MRPL48: variants seen among roughly 807,000 people sequenced by gnomAD.
MRPL48 encodes the protein large ribosomal subunit protein mL48.
MRPL48 carries 16 observed loss-of-function variants against 32.9 expected under a neutral mutation model. The observed-to-expected ratio is 0.49, with a 90% CI of 0.33 to 0.74. The LOEUF is 0.74. Among genes scored for constraint, MRPL48 ranks in the 30% least tolerant of loss-of-function variants. The pLI is 0.02. For missense variants in MRPL48, 206 were observed against 245.3 expected (o/e 0.84, Z 1.07); for synonymous variants, 94 against 89.2 (o/e 1.05, Z -0.31).
chr11:73,826,774 C>CTTTTTTTTTTT (rs71065041), intron 4 of MRPL48, among the ~76,000 whole-genome samples: 1 of 108,928 alleles, frequency 9.2e-6, no homozygotes, highest in Non-Finnish European at 1.9e-5. Context: ...ACTGTATTTT[C>CTTTTTTTTTTT]TTTTTTTTTT....
Position 73,863,996 on chromosome 11 carries a change from T to TTC in MRPL48, c.565-285_565-284dup, listed in dbSNP as rs145540790. ...ATTTCCTATGTAAATAATTTTGGTATTCTCTCTCTCTCTCTCAAATGCTTC... is the reference window on the plus strand; with the variant it reads ...ATTTCCTATGTAAATAATTTTGGTATTCTCTCTCTCTCTCTCTCAAATGCTTC... On this transcript the variant is annotated intron_variant, in intron 7 of 7. Coordinates refer to ENST00000310614, the MANE Select transcript of MRPL48 (RefSeq NM_016055.6). 8.6e-5 allele frequency among the ~76,000 whole-genome samples: 13 copies of TTC among 151,620 alleles called. No individual in the cohort carries two copies. The East Asian group carries it at 1.5e-3, about 18-fold the overall frequency.
At chr11:73,849,151 T>G (rs1727935320) in intron 5 of MRPL48, among the ~76,000 whole-genome samples, 1 of 152,030 alleles carries the variant, frequency 6.6e-6, no homozygotes, top group African/African-American at 2.4e-5. Flanking sequence ...TTTTTGTTTT[T>G]GTTGAGACGG....
At chr11:73,830,203 C>T (rs765369101) in intron 4 of MRPL48, among the ~76,000 whole-genome samples, 1 of 152,190 alleles carries the variant, frequency 6.6e-6, no homozygotes, top group Non-Finnish European at 1.5e-5. Context: ...TTAAGCTGGA[C>T]TGAAATGTGG....
intron 3 of MRPL48, among the ~76,000 whole-genome samples, chr11:73,820,787 A>G (rs1947765596): frequency 6.6e-6 from 1 of 152,090 alleles, no homozygotes; most frequent in African/African-American, 2.4e-5. Flanking sequence ...AAAGGAATAT[A>G]AGTAACTCTC....
intron 3 of MRPL48, among the ~76,000 whole-genome samples, chr11:73,809,908 G>A (rs1011050666): frequency 6.6e-6 from 1 of 152,218 alleles, no homozygotes; most frequent in African/African-American, 2.4e-5. Context: ...TGGCGGCAAT[G>A]TGTAGGGAAT....
In MRPL48 at chr11:73,813,372, C is replaced by T. The variant is rs1947603190; in HGVS notation, c.112+5022C>T. On this transcript the variant is annotated intron_variant, in intron 3 of 7. Coordinates refer to ENST00000310614, the MANE Select transcript of MRPL48 (RefSeq NM_016055.6). Reference sequence around the variant, plus strand: ...TATTTTTAGTAGAGACAGGGTTTCACCATGTTGGTCAGGCTGGTCTCTAAC... The same window carrying T: ...TATTTTTAGTAGAGACAGGGTTTCATCATGTTGGTCAGGCTGGTCTCTAAC... 2.0e-5 allele frequency among the ~76,000 whole-genome samples: 3 copies of T among 151,838 alleles called. No individual in the cohort carries two copies. The South Asian group carries it at 6.2e-4, about 32-fold the overall frequency.
chr11:73,800,815 T>TC (rs1376831001), intron 1 of MRPL48, among the ~76,000 whole-genome samples: 66 of 137,378 alleles, frequency 4.8e-4, no homozygotes, highest in Non-Finnish European at 1.0e-3. Context: ...TTTTTCTTTT[T>TC]TTTTTTTTTT....
Position 73,848,177 on chromosome 11 carries a change from T to G in MRPL48, c.371+3201T>G, listed in dbSNP as rs556489033. ...AGTTTTGTATATAATGGGTCAAAGT[T>G]TTTTTTTTTGGCATATGAATATTCA... On this transcript the variant is annotated intron_variant, in intron 5 of 7. Transcript: ENST00000310614. 3.3e-5 allele frequency among the ~76,000 whole-genome samples: 5 copies of G among 150,880 alleles called. No homozygotes were observed. In the South Asian group the frequency reaches 1.0e-3, roughly 31 times the overall value.
At chr11:73,810,298 G>A (rs1670549) in intron 3 of MRPL48, among the ~76,000 whole-genome samples, 77,628 of 151,474 alleles carry the variant, frequency 0.51, 21,048 homozygotes, top group African/African-American at 0.71. Context: ...GAGATGGGCG[G>A]ATCACCTTAG....
At chr11:73,797,873 T>A (rs2134942525) in intron 1 of MRPL48, among the ~76,000 whole-genome samples, 1 of 152,204 alleles carries the variant, frequency 6.6e-6, no homozygotes, top group South Asian at 2.1e-4. Context: ...AAAAATCCCG[T>A]AACAATATGT....
At chr11:73,854,448 G>A (rs998361701) in intron 5 of MRPL48, among the ~76,000 whole-genome samples, 2 of 152,050 alleles carry the variant, frequency 1.3e-5, no homozygotes, top group African/African-American at 4.8e-5. Flanking sequence ...CACCACACCT[G>A]GCTAATTTTT....
intron 4 of MRPL48, among the ~76,000 whole-genome samples, chr11:73,826,435 A>G (rs1482710913): frequency 6.6e-6 from 1 of 152,122 alleles, no homozygotes; most frequent in African/African-American, 2.4e-5. Context: ...AGTTGTGGCA[A>G]GTAGAGGTAG....
At chr11:73,805,258 G>GGCCAAAAT (rs1189135909) in intron 2 of MRPL48, among the ~76,000 whole-genome samples, 179 bp downstream of exon 2, 1 of 150,546 alleles carries the variant, frequency 6.6e-6, no homozygotes, top group East Asian at 1.9e-4. Context: ...TAGTTGCTGA[G>GGCCAAAAT]GCCAAAATAC....
intron 1 of MRPL48, among the ~76,000 whole-genome samples, chr11:73,803,990 G>T (rs974857670): frequency 1.3e-5 from 2 of 152,084 alleles, no homozygotes; most frequent in Non-Finnish European, 2.9e-5. Context: ...CGAGATCTCG[G>T]CTCACTGCAA....
At chr11:73,830,585 T>A (rs182344191) in intron 4 of MRPL48, among the ~76,000 whole-genome samples, 2 of 151,996 alleles carry the variant, frequency 1.3e-5, no homozygotes, top group African/African-American at 2.4e-5. Flanking sequence ...AGAAAAAAAA[T>A]AAGTTGGCCA....
chr11:73,825,036 C>T (rs1947857869), intron 3 of MRPL48, among the ~76,000 whole-genome samples: 2 of 152,130 alleles, frequency 1.3e-5, no homozygotes, highest in African/African-American at 4.8e-5. Flanking sequence ...CCCAGAGGAG[C>T]TTAGAAAGAG....
At chr11:73,822,362 G>A (rs1350368401) in intron 3 of MRPL48, among the ~76,000 whole-genome samples, 2 of 152,114 alleles carry the variant, frequency 1.3e-5, no homozygotes, top group East Asian at 3.9e-4. Context: ...GTCCATTAAA[G>A]TACTTAGTAC....
chr11:73,815,640 C>A (rs1200912684), intron 3 of MRPL48, among the ~76,000 whole-genome samples: 1 of 151,856 alleles, frequency 6.6e-6, no homozygotes, highest in Non-Finnish European at 1.5e-5. Flanking sequence ...ATGTGTGAGC[C>A]ACAATACCCA....
At chr11:73,826,982 G>T (rs1947907901) in intron 4 of MRPL48, among the ~76,000 whole-genome samples, 1 of 150,456 alleles carries the variant, frequency 6.6e-6, no homozygotes, top group Non-Finnish European at 1.5e-5. Flanking sequence ...CTCCATGTTG[G>T]CCAGGCTGGT....
Sources: gnomAD v4.1 joint callset for allele counts (sites outside exome capture counted in the v4.1 genomes callset) on GRCh38, gnomAD v4.1.1 for gene constraint, MANE v1.5 for transcripts, NCBI Gene and HGNC (gene_info 2026-07-23, HGNC 2026-07-21) for gene names.